Variants in RBFOX1 observed in about 807,000 individuals in gnomAD.
RBFOX1 encodes the protein RNA binding fox-1 homolog 1.
In RBFOX1, 8 loss-of-function variants were observed where a neutral mutation model predicts 57.7. That is an observed-to-expected ratio of 0.14 (90% CI 0.08 to 0.25). The LOEUF (loss-of-function observed/expected upper bound fraction) is 0.25, where lower values mean the gene tolerates loss of function less well. Ranked by LOEUF, RBFOX1 falls within the 10% of genes least tolerant of loss-of-function variation. The probability of loss-of-function intolerance (pLI) is 1.00; values close to 1 mark genes in which losing one functional copy is unlikely to be tolerated. For synonymous variants in RBFOX1, 326 were observed against 222.4 expected (o/e 1.47, Z -4.15); for missense variants, 611 against 548.5 (o/e 1.11, Z -1.14).
At chr16:5,270,675 G>A (rs780340689) in intron 1 of RBFOX1, 8 of 535,882 alleles carry the variant, frequency 1.5e-5, no homozygotes, top group Admixed American at 9.2e-5. Context: ...AGAAGAAGGT[G>A]TTGGAAATCA....
At chr16:6,845,383 C>T (rs7205797) in intron 3 of RBFOX1, among the ~76,000 whole-genome samples, 2 of 151,840 alleles carry the variant, frequency 1.3e-5, no homozygotes, top group African/African-American at 4.8e-5. Context: ...GGTCCAGTTT[C>T]AATTTTCTGT....
chr16:6,245,539 A>G (rs1283400496), intron 1 of RBFOX1, among the ~76,000 whole-genome samples: 1 of 152,184 alleles, frequency 6.6e-6, no homozygotes, highest in Non-Finnish European at 1.5e-5. Context: ...TCTGCAGTGC[A>G]ACATCTAGCA....
At chr16:6,830,675 A>C (rs1379653988) in intron 3 of RBFOX1, among the ~76,000 whole-genome samples, 1 of 152,224 alleles carries the variant, frequency 6.6e-6, no homozygotes, top group Non-Finnish European at 1.5e-5. Flanking sequence ...CCCCAAGCCA[A>C]AATAGCAACA....
At chr16:6,660,178 C>G (rs538188145) in intron 3 of RBFOX1, among the ~76,000 whole-genome samples, 3 of 150,710 alleles carry the variant, frequency 2.0e-5, no homozygotes, top group South Asian at 2.1e-4. Context: ...GAGCTGAGAT[C>G]TCGCCATTGC....
intron 1 of RBFOX1, among the ~76,000 whole-genome samples, chr16:6,119,490 C>G (rs1994359): frequency 0.33 from 49,701 of 152,044 alleles, 9,407 homozygotes; most frequent in Non-Finnish European, 0.44. Context: ...CTTAAAAGTA[C>G]ACTAATTTAT....
At chr16:7,249,400 C>G (rs543510585) in intron 4 of RBFOX1, among the ~76,000 whole-genome samples, 4 of 152,224 alleles carry the variant, frequency 2.6e-5, no homozygotes, top group Admixed American at 6.5e-5. Flanking sequence ...GGGGACATCA[C>G]TAGACTTCCA....
At chr16:7,108,751 A>G (rs995652114) in intron 4 of RBFOX1, among the ~76,000 whole-genome samples, 3 of 152,160 alleles carry the variant, frequency 2.0e-5, no homozygotes, top group Non-Finnish European at 4.4e-5. Flanking sequence ...TATCTTGGAG[A>G]TACACTCACC....
chr16:6,278,377 C>CAAAAAAA lies in RBFOX1; in HGVS notation c.-126-38589_-126-38583dup, dbSNP rs57523660. Among the ~76,000 whole-genome samples the CAAAAAAA allele has an allele frequency of 7.8e-4, 22 of 28,068 alleles. 4 individuals are homozygous for CAAAAAAA. Among genetic ancestry groups the CAAAAAAA allele is most frequent in the African/African-American group, 2.1e-3 (17 of 7,942 alleles). 18.4% of individuals were successfully genotyped at this position (28,068 alleles called of 152,430 possible). On this transcript the variant is annotated intron_variant, in intron 1 of 15. Transcript: ENST00000550418. The stretch of plus-strand genomic sequence containing the variant: ...AACTGGGGGAAATTGTAGGACTCAC[C>CAAAAAAA]AAAAAAAAAAAAAAAAAAAAAAAAA...
intron 1 of RBFOX1, among the ~76,000 whole-genome samples, chr16:6,311,295 C>CAAAAAAAAAA (rs71145210): frequency 1.5e-4 from 14 of 91,140 alleles, no homozygotes; most frequent in East Asian, 3.4e-4. Flanking sequence ...GACTCTGTCT[C>CAAAAAAAAAA]AAAAAAAAAA....
chr16:6,471,596 C>T (rs958192826), intron 2 of RBFOX1, among the ~76,000 whole-genome samples: 27 of 147,008 alleles, frequency 1.8e-4, no homozygotes, highest in African/African-American at 6.4e-4. Context: ...AAAAAAAAAA[C>T]CTCTAGTGGC....
At chr16:7,283,051 C>T (rs1447036104) in intron 4 of RBFOX1, among the ~76,000 whole-genome samples, 1 of 152,118 alleles carries the variant, frequency 6.6e-6, no homozygotes, top group Non-Finnish European at 1.5e-5. Flanking sequence ...AATTGTGCTG[C>T]TATAAATATG....
At chr16:5,582,625 G>A (rs906860139) in intron 2 of RBFOX1, among the ~76,000 whole-genome samples, 1 of 140,978 alleles carries the variant, frequency 7.1e-6, no homozygotes, top group African/African-American at 2.7e-5. Context: ...ATCTTGGTTC[G>A]CTGCAGTGTC....
At chr16:5,466,355 G>C (rs921752779) in intron 1 of RBFOX1, among the ~76,000 whole-genome samples, 3 of 152,078 alleles carry the variant, frequency 2.0e-5, no homozygotes, top group Non-Finnish European at 4.4e-5. Flanking sequence ...CATGTGTGGG[G>C]TTTGATCTCC....
intron 1 of RBFOX1, among the ~76,000 whole-genome samples, chr16:6,083,758 T>A (rs1032721293): frequency 6.6e-6 from 1 of 152,172 alleles, no homozygotes; most frequent in Non-Finnish European, 1.5e-5. Context: ...ATTATAAGTG[T>A]GAGCCACCAG....
At chr16:5,380,344 A>G (rs1472771032) in intron 1 of RBFOX1, among the ~76,000 whole-genome samples, 1 of 152,240 alleles carries the variant, frequency 6.6e-6, no homozygotes, top group Admixed American at 6.5e-5. Context: ...ATAGACGTAC[A>G]GAGCGGTTAG....
At chr16:6,700,616 C>G (rs969553482) in intron 3 of RBFOX1, among the ~76,000 whole-genome samples, 1 of 152,036 alleles carries the variant, frequency 6.6e-6, no homozygotes, top group Admixed American at 6.6e-5. Flanking sequence ...TGAGATCGCA[C>G]CACTGCACTC....
At chr16:5,883,512 AC>A (rs1348873481) in intron 4 of RBFOX1, among the ~76,000 whole-genome samples, 1 of 107,726 alleles carries the variant, frequency 9.3e-6, no homozygotes. Context: ...AATCCCAGAT[AC>A]GGGTGGCAAA....
Position 7,456,253 on chromosome 16 carries a change from C to G in RBFOX1, c.28-61894C>G, listed in dbSNP as rs185550050. On this transcript the variant is annotated intron_variant, in intron 4 of 15. Coordinates refer to ENST00000550418, the MANE Select transcript of RBFOX1 (RefSeq NM_018723.4). ...CGTTAGGACCCTCCTCTCAACATTG[C>G]CTATCCTAGAGGGACCCCCCCTTAT... 3.0e-4 allele frequency among the ~76,000 whole-genome samples: 45 copies of G among 152,280 alleles called. No individual in the cohort carries two copies. In the East Asian group the frequency reaches 8.3e-3, roughly 28 times the overall value.
intron 1 of RBFOX1, among the ~76,000 whole-genome samples, chr16:5,255,821 C>T (rs891621101): frequency 1.3e-5 from 2 of 152,004 alleles, no homozygotes; most frequent in Non-Finnish European, 2.9e-5. Flanking sequence ...ATTGAGAACA[C>T]GGTCTCTGGA....
Sources: allele counts gnomAD v4.1 joint callset (sites outside exome capture counted in the v4.1 genomes callset), GRCh38; gene constraint gnomAD v4.1.1; transcripts MANE v1.5; gene names NCBI Gene and HGNC (gene_info 2026-07-23, HGNC 2026-07-21).